GLIS3: variants seen among roughly 807,000 people sequenced by gnomAD.
The protein encoded by GLIS3 is GLIS family zinc finger 3.
In GLIS3, 53 loss-of-function variants were observed where a neutral mutation model predicts 78.6. The observed-to-expected ratio is 0.67, with a 90% CI of 0.54 to 0.85. The LOEUF is 0.85. GLIS3 is among the 40% of genes least tolerant of loss of function. The probability of loss-of-function intolerance (pLI) is 0.00; values close to 1 mark genes in which losing one functional copy is unlikely to be tolerated. For missense variants in GLIS3, 1,703 were observed against 1,231.1 expected, an observed-to-expected ratio of 1.38 and a Z score of -5.74; for synonymous variants, 684 against 509.9, an observed-to-expected ratio of 1.34 and a Z score of -4.60.
At chr9:3,933,299 C>T (rs961767803) in intron 5 of GLIS3, among the ~76,000 whole-genome samples, 4 of 152,172 alleles carry the variant, frequency 2.6e-5, no homozygotes, top group Non-Finnish European at 2.9e-5. Flanking sequence ...CCTCAGCTTC[C>T]TGAGTAGCTG....
the GLIS3 span, among the ~76,000 whole-genome samples, chr9:4,456,713 G>C: frequency 1.3e-5 from 2 of 152,138 alleles, no homozygotes; most frequent in Non-Finnish European, 2.9e-5. Context: ...GGCCATTGTA[G>C]GGTTACTTAT....
At chr9:3,913,162 G>T (rs1194551249) in intron 6 of GLIS3, among the ~76,000 whole-genome samples, 1 of 152,188 alleles carries the variant, frequency 6.6e-6, no homozygotes, top group Non-Finnish European at 1.5e-5. Flanking sequence ...GTAAAAGTCA[G>T]TGGATCTCAT....
chr9:4,101,380 C>A (rs1830357571), intron 4 of GLIS3, among the ~76,000 whole-genome samples: 1 of 152,136 alleles, frequency 6.6e-6, no homozygotes, highest in Non-Finnish European at 1.5e-5. Flanking sequence ...AATTAAATGT[C>A]CAAATGCAGC....
intron 7 of GLIS3, among the ~76,000 whole-genome samples, chr9:3,887,168 G>T (rs374330156): frequency 6.6e-6 from 1 of 151,986 alleles, no homozygotes; most frequent in South Asian, 2.1e-4. Context: ...TCATTATCCA[G>T]CAGCCCTGAT....
intron 2 of GLIS3, among the ~76,000 whole-genome samples, chr9:4,244,687 G>A (rs940735587): frequency 6.6e-6 from 1 of 152,016 alleles, no homozygotes; most frequent in African/African-American, 2.4e-5. Context: ...TGATTCTCCT[G>A]CCTCAACCTC....
At chr9:4,373,704 T>C in the GLIS3 span, among the ~76,000 whole-genome samples, 221 of 151,822 alleles carry the variant, frequency 1.5e-3, 1 homozygote, top group African/African-American at 5.2e-3. Flanking sequence ...GTCTTGCTCT[T>C]GTCGCCCAGG....
At chr9:4,297,689 A>T (rs1437422981) in intron 1 of GLIS3, among the ~76,000 whole-genome samples, 1 of 152,046 alleles carries the variant, frequency 6.6e-6, no homozygotes, top group South Asian at 2.1e-4. Context: ...CCCCTTCCCC[A>T]GGTTTACATG....
At chr9:4,372,434 G>T in the GLIS3 span, among the ~76,000 whole-genome samples, 14 of 151,582 alleles carry the variant, frequency 9.2e-5, no homozygotes, top group Non-Finnish European at 1.8e-4. Flanking sequence ...ACATCAACTT[G>T]CCTGTAAGCA....
the GLIS3 span, among the ~76,000 whole-genome samples, chr9:4,397,382 A>T: frequency 6.6e-6 from 1 of 151,662 alleles, no homozygotes; most frequent in South Asian, 2.1e-4. Flanking sequence ...ACCTATTGCA[A>T]GTTTGAAGAT....
chr9:4,321,270 A>C (rs1297109095), intron 2 of GLIS3, among the ~76,000 whole-genome samples: 8 of 98,516 alleles, frequency 8.1e-5, no homozygotes, highest in Non-Finnish European at 1.1e-4. Flanking sequence ...AATACAAAAA[A>C]AATTAGCCGG....
chr9:4,151,151 T>C (rs1007790738), intron 2 of GLIS3: 1 of 152,178 alleles, frequency 6.6e-6, no homozygotes, highest in Non-Finnish European at 1.5e-5. Flanking sequence ...AGATCGACTC[T>C]GTTTCAGTCC....
chr9:4,193,826 T>C (rs1818551840), intron 2 of GLIS3, among the ~76,000 whole-genome samples: 1 of 152,228 alleles, frequency 6.6e-6, no homozygotes, highest in Non-Finnish European at 1.5e-5. Flanking sequence ...ATTTTACCTC[T>C]GCACATTATA....
At chr9:4,385,801 GAAAGAAAGAAAAGAA>G in the GLIS3 span, among the ~76,000 whole-genome samples, 161 of 66,032 alleles carry the variant, frequency 2.4e-3, 5 homozygotes, top group African/African-American at 7.2e-3. Flanking sequence ...AAGAAAGAAA[GAAAGAAAGAAAAGAA>G]AGAAAGAGAA....
chr9:4,053,180 C>A (rs1480617095), intron 4 of GLIS3, among the ~76,000 whole-genome samples: 1 of 152,142 alleles, frequency 6.6e-6, no homozygotes, highest in Non-Finnish European at 1.5e-5. Flanking sequence ...AACTCTTGGC[C>A]TCCAGCAATC....
chr9:4,329,027 G>A (rs1282167522), intron 2 of GLIS3, among the ~76,000 whole-genome samples: 1 of 152,214 alleles, frequency 6.6e-6, no homozygotes, highest in Non-Finnish European at 1.5e-5. Context: ...AGGATGATGA[G>A]TAAGAGTCTC....
chr9:3,937,525 C>T (rs1825964031), intron 4 of GLIS3, among the ~76,000 whole-genome samples: 1 of 152,016 alleles, frequency 6.6e-6, no homozygotes, highest in South Asian at 2.1e-4. Context: ...AAAATTAACA[C>T]ACTTTTCCAT....
chr9:4,361,858 A>T, the GLIS3 span, among the ~76,000 whole-genome samples: 63 of 152,316 alleles, frequency 4.1e-4, no homozygotes, highest in African/African-American at 1.5e-3. Flanking sequence ...TCTTTCCCCA[A>T]TGGTAAAGGG....
chr9:4,116,311 C>T lies in GLIS3; in HGVS notation c.1710+1457G>A, dbSNP rs138370969. ...TGTGTTCCAGAGTAAATTGAATTGC[C>T]TTCAATTGCTTGTTTCTTTGTGGCA... On this transcript the variant is annotated intron_variant, in intron 4 of 10. Transcript: ENST00000381971. Among the ~76,000 whole-genome samples the T allele has an allele frequency of 8.8e-3, 1,342 of 152,306 alleles. 66 individuals carry two copies. The highest frequency in any genetic ancestry group is 0.078 in the Admixed American group (1,192 of 15,302).
At chr9:4,196,402 C>T (rs1387809386) in intron 2 of GLIS3, among the ~76,000 whole-genome samples, 3 of 152,342 alleles carry the variant, frequency 2.0e-5, no homozygotes, top group African/African-American at 4.8e-5. Context: ...GCTCAGGTCC[C>T]TTTCCGCACT....
Sources: allele counts gnomAD v4.1 joint callset (sites outside exome capture counted in the v4.1 genomes callset), GRCh38; gene constraint gnomAD v4.1.1; transcripts MANE v1.5; gene names NCBI Gene and HGNC (gene_info 2026-07-23, HGNC 2026-07-21).